FLNB: variants seen among roughly 807,000 people sequenced by gnomAD.
FLNB encodes the protein filamin-B.
FLNB carries 111 observed loss-of-function variants against 250.6 expected under a neutral mutation model. The ratio of observed to expected loss-of-function variants is 0.44; its 90% confidence interval spans 0.38 to 0.52. FLNB has a LOEUF of 0.52. Among genes scored for constraint, FLNB ranks in the 20% least tolerant of loss-of-function variants. The pLI is 0.00. For missense variants in FLNB, 2,869 were observed against 3,447.8 expected (o/e 0.83, Z 4.20); for synonymous variants, 1,302 against 1,372.1 (o/e 0.95, Z 1.13).
intron 1 of FLNB, among the ~76,000 whole-genome samples, chr3:58,020,749 G>T: frequency 6.6e-6 from 1 of 151,204 alleles, no homozygotes; most frequent in Non-Finnish European, 1.5e-5. Context: ...TACTAAAGAG[G>T]TTGGAGTTAT....
intron 1 of FLNB, among the ~76,000 whole-genome samples, chr3:58,029,100 ATTGT>A (rs2097127299): frequency 6.6e-6 from 1 of 151,916 alleles, no homozygotes; most frequent in African/African-American, 2.4e-5. Flanking sequence ...AATTTGTGTC[ATTGT>A]TTGTTGTTTT....
chr3:58,112,845 C>T lies in FLNB; in HGVS notation c.2745+527C>T, dbSNP rs139849719. On this transcript the variant is annotated intron_variant, in intron 18 of 45. Transcript: ENST00000295956. Reference sequence around the variant, plus strand: ...TTCTCAAAGAGCCAGTTCAGCCTTTCGTCCCTAAGGCCCAGCACACTATTT... The same window carrying T: ...TTCTCAAAGAGCCAGTTCAGCCTTTTGTCCCTAAGGCCCAGCACACTATTT... Among the ~76,000 whole-genome samples the T allele has an allele frequency of 6.8e-4, 103 of 152,290 alleles. 1 individual carries two copies. Among genetic ancestry groups the T allele is most frequent in the African/African-American group, 2.3e-3 (96 of 41,564 alleles).
Position 58,148,868 on chromosome 3 carries a change from G to A in FLNB, c.6091+16G>A, listed in dbSNP as rs1044782525. The stretch of plus-strand genomic sequence containing the variant: ...AGGGATGCAGGTCTGTGTGGTCCCA[G>A]GGGAGAGGCCCAGAGCTTGTGGGAA... On this transcript the variant is annotated intron_variant, in intron 36 of 45. Coordinates refer to ENST00000295956, the MANE Select transcript of FLNB (RefSeq NM_001457.4). 7 of 1,607,032 alleles carry A rather than the reference G, an allele frequency of 4.4e-6. No individual in the cohort carries two copies. The highest frequency in any genetic ancestry group is 5.9e-6 in the Non-Finnish European group (7 of 1,177,798).
chr3:58,138,664 C>A (rs1388608291), intron 29 of FLNB, 135 bp downstream of exon 29: 2 of 1,043,900 alleles, frequency 1.9e-6, no homozygotes, highest in Non-Finnish European at 2.9e-6. Context: ...CAGTCATGAC[C>A]TTGTAGAGTC....
chr3:58,014,674 C>T (rs2097103391), intron 1 of FLNB, among the ~76,000 whole-genome samples: 1 of 152,294 alleles, frequency 6.6e-6, no homozygotes, highest in Non-Finnish European at 1.5e-5. Context: ...GGGCCTGGAG[C>T]CTTTAGGCCC....
At position 58,163,350 on chromosome 3, in the gene FLNB, C is replaced by G. The variant is rs201580886; in HGVS notation, c.7198+20C>G. On this transcript the variant is annotated intron_variant, in intron 43 of 45. Transcript: ENST00000295956. ...CCACAGGTAACCCACTCTTCTGCTT[C>G]TTGAAGCCTTAACTGAACCAGCTCC... The G allele has an allele frequency of 3.8e-4, 619 of 1,613,302 alleles. 3 individuals carry two copies. The highest frequency in any genetic ancestry group is 3.6e-3 in the South Asian group (329 of 91,042).
At chr3:58,054,292 T>C (rs913033542) in intron 1 of FLNB, among the ~76,000 whole-genome samples, 3 of 152,216 alleles carry the variant, frequency 2.0e-5, no homozygotes, top group African/African-American at 7.2e-5. Flanking sequence ...AGCTCAGCCA[T>C]ACCAAGTATA....
intron 1 of FLNB, among the ~76,000 whole-genome samples, chr3:58,019,803 G>A (rs1203777600): frequency 3.3e-5 from 5 of 152,144 alleles, no homozygotes; most frequent in Admixed American, 6.5e-5. Flanking sequence ...TTCCCACACC[G>A]TGGAGCTCTG....
At chr3:58,027,533 C>T (rs1049880177) in intron 1 of FLNB, among the ~76,000 whole-genome samples, 4 of 152,170 alleles carry the variant, frequency 2.6e-5, no homozygotes, top group Non-Finnish European at 5.9e-5. Flanking sequence ...CTGCCCACCT[C>T]GGCCTCCCAA....
chr3:58,083,776 G>C (rs963706975), intron 4 of FLNB, among the ~76,000 whole-genome samples: 1 of 152,130 alleles, frequency 6.6e-6, no homozygotes, highest in Non-Finnish European at 1.5e-5. Context: ...ACCATTTGAG[G>C]TTCCGTTTGC....
At chr3:58,038,892 G>A (rs1360987744) in intron 1 of FLNB, among the ~76,000 whole-genome samples, 1 of 152,108 alleles carries the variant, frequency 6.6e-6, no homozygotes, top group Non-Finnish European at 1.5e-5. Context: ...GAACAATGTG[G>A]TACTATAATC....
chr3:58,033,271 T>C (rs2097133466), intron 1 of FLNB, among the ~76,000 whole-genome samples: 1 of 152,222 alleles, frequency 6.6e-6, no homozygotes. Flanking sequence ...TTTGTAATTC[T>C]TGCCTTTTAT....
chr3:58,091,839 C>T (rs531402799), intron 4 of FLNB, among the ~76,000 whole-genome samples: 12 of 152,234 alleles, frequency 7.9e-5, no homozygotes, highest in African/African-American at 2.9e-4. Context: ...CACCCGGACA[C>T]CGTCTCAAAC....
intron 38 of FLNB, chr3:58,152,729 C>A: frequency 1.5e-6 from 2 of 1,335,162 alleles, no homozygotes; most frequent in South Asian, 1.2e-5. Context: ...ATGAACTGCT[C>A]TGCCCAGATC....
At position 58,142,842 on chromosome 3, in the gene FLNB, A is replaced by C; in HGVS notation, c.5284+90A>C. Reference sequence around the variant, plus strand: ...TGGGGAGGTGTGTCCACTGTCCCCCAGACCCAGGCTCCTTAACCCAGGGTC... The same window carrying C: ...TGGGGAGGTGTGTCCACTGTCCCCCCGACCCAGGCTCCTTAACCCAGGGTC... On this transcript the variant is annotated intron_variant, in intron 31 of 45. Transcript: ENST00000295956. The surrounding 1 kb of genome is among the most constrained non-coding windows in gnomAD (Gnocchi z 4.3). 1 of 1,140,252 alleles carries C rather than the reference A, an allele frequency of 8.8e-7. No homozygotes were observed. The highest frequency in any genetic ancestry group is 1.3e-5 in the South Asian group (1 of 79,946). The allele number at this position is 1,140,252 out of a possible 1,614,324, so 70.6% of individuals were successfully genotyped here.
intron 1 of FLNB, among the ~76,000 whole-genome samples, chr3:58,056,023 C>G (rs2097169768): frequency 6.6e-6 from 1 of 151,502 alleles, no homozygotes; most frequent in Non-Finnish European, 1.5e-5. Flanking sequence ...TGCTAATACA[C>G]CTGTGTTTTA....
rs372634874 is a variant in FLNB at position 58,094,406 on chromosome 3, C to T, written c.788-430C>T. ...TTACACCTACAGGTAAAATCTGTCTCGATGAATTTGCTCGATCATCTTAAA... is the reference window on the plus strand; with the variant it reads ...TTACACCTACAGGTAAAATCTGTCTTGATGAATTTGCTCGATCATCTTAAA... On this transcript the variant is annotated intron_variant, in intron 4 of 45. Transcript: ENST00000295956. Among the ~76,000 whole-genome samples the T allele has an allele frequency of 7.9e-5, 12 of 152,078 alleles. No homozygotes were observed. The South Asian group carries it at 1.5e-3, about 18-fold the overall frequency.
chr3:58,095,008 C>A, intron 5 of FLNB, 54 bp downstream of exon 5: 2 of 1,355,994 alleles, frequency 1.5e-6, no homozygotes, highest in Non-Finnish European at 2.1e-6. Flanking sequence ...GCTTTTGGGG[C>A]TTGTAATGCG....
At position 58,142,695 on chromosome 3, in the gene FLNB, G is replaced by A. The variant is rs1253289025; in HGVS notation, c.5227G>A (p.Gly1743Arg). ...CCCAGTGAGTGACATGAACGGCCTG[G>A]GATTTAAGCCTTTTGACCTGGTCAT... ...YVPVSDMNGL[G>R]FKPFDLVIPF... The change falls in exon 31 of 46, where the codon GGA becomes AGA. Residue 1743 changes from glycine to arginine, a missense_variant. Coordinates refer to ENST00000295956, the MANE Select transcript of FLNB (RefSeq NM_001457.4). The surrounding 1 kb of genome is among the most constrained non-coding windows in gnomAD (Gnocchi z 4.3). 6.2e-7 allele frequency: 1 copy of A among 1,614,236 alleles called. No individual in the cohort carries two copies. Among genetic ancestry groups the A allele is most frequent in the Admixed American group, 1.7e-5 (1 of 60,030 alleles).
Sources: allele counts gnomAD v4.1 joint callset (sites outside exome capture counted in the v4.1 genomes callset), GRCh38; gene constraint gnomAD v4.1.1; non-coding constraint Gnocchi (gnomAD v3.1); transcripts MANE v1.5; gene names NCBI Gene and HGNC (gene_info 2026-07-23, HGNC 2026-07-21).